Variants in MFAP3L observed in about 807,000 individuals in gnomAD.
The protein encoded by MFAP3L is microfibrillar-associated protein 3-like.
MFAP3L carries 5 observed loss-of-function variants against 20.0 expected under a neutral mutation model. That is an observed-to-expected ratio of 0.25 (90% CI 0.13 to 0.53). The LOEUF (loss-of-function observed/expected upper bound fraction) is 0.53, where lower values mean the gene tolerates loss of function less well. MFAP3L is among the 20% of genes least tolerant of loss of function. The pLI is 0.96. For synonymous variants in MFAP3L, 219 were observed against 213.0 expected (o/e 1.03, Z -0.25); for missense variants, 409 against 527.5 (o/e 0.78, Z 2.20).
intron 1 of MFAP3L, among the ~76,000 whole-genome samples, chr4:170,021,061 C>G (rs139957513): frequency 2.7e-3 from 412 of 152,040 alleles, no homozygotes; most frequent in Middle Eastern, 6.8e-3. Context: ...CAGAGGGCCA[C>G]AAGCAAGACA....
chr4:170,009,825 C>T lies in MFAP3L; in HGVS notation c.-133-3815G>A, dbSNP rs578261270. On this transcript the variant is annotated intron_variant, in intron 1 of 2. Coordinates refer to ENST00000361618, the MANE Select transcript of MFAP3L (RefSeq NM_021647.8). Reference sequence around the variant, plus strand: ...ACCTATAATCAATAAGACTGTTGCCCATGTATTTCTGGAGCTAGAAGGAAA... The same window carrying T: ...ACCTATAATCAATAAGACTGTTGCCTATGTATTTCTGGAGCTAGAAGGAAA... 3.3e-5 allele frequency among the ~76,000 whole-genome samples: 5 copies of T among 152,236 alleles called. No individual in the cohort carries two copies. The South Asian group carries it at 8.3e-4, about 25-fold the overall frequency.
chr4:169,997,880 G>A (rs951550648), intron 2 of MFAP3L: 1 of 877,596 alleles, frequency 1.1e-6, no homozygotes, highest in East Asian at 1.2e-4. Flanking sequence ...TGTCAGGCTG[G>A]TAACACTGTT....
chr4:169,989,469 A>AT lies in MFAP3L; in HGVS notation c.*1908dup, dbSNP rs1737505246. On this transcript the variant is annotated 3_prime_UTR_variant, in exon 3 of 3. Coordinates refer to ENST00000361618, the MANE Select transcript of MFAP3L (RefSeq NM_021647.8). The stretch of plus-strand genomic sequence containing the variant: ...CAAAAGTATCCAATTTCATGGACCC[A>AT]TTTTTTGCTTGTCTCATGCAACGGG... The AT allele has an allele frequency of 6.6e-6, 1 of 152,194 alleles. No individual in the cohort carries two copies. The highest frequency in any genetic ancestry group is 2.4e-5 in the African/African-American group (1 of 41,438). The allele number at this position is 152,194 out of a possible 1,614,324, so 9.4% of individuals were successfully genotyped here. A position where few individuals can be genotyped will look rare whatever the true frequency, so the allele number is the denominator to read the frequency against.
At chr4:169,994,086 C>A (rs1211490954) in intron 2 of MFAP3L, 1 of 772,100 alleles carries the variant, frequency 1.3e-6, no homozygotes, top group Admixed American at 6.3e-5. Context: ...TAGACTACAG[C>A]AGGCATGGAC....
intron 1 of MFAP3L, among the ~76,000 whole-genome samples, chr4:170,007,498 A>G (rs776049756): frequency 1.3e-4 from 20 of 152,206 alleles, no homozygotes; most frequent in Non-Finnish European, 2.8e-4. Context: ...CAAGACAATT[A>G]TAAGGATTCA....
rs1199602360 is a variant in MFAP3L, at chr4:169,990,553, A to T, written c.*825T>A. ...GGTGTGGGTATATTTAACCTTTTAC[A>T]ATCTCCCTCTACATCTCAGCTGAGC... On this transcript the variant is annotated 3_prime_UTR_variant, in exon 3 of 3. Coordinates refer to ENST00000361618, the MANE Select transcript of MFAP3L (RefSeq NM_021647.8). 1 of 152,580 alleles carries T rather than the reference A, an allele frequency of 6.6e-6. No individual in the cohort carries two copies. Among genetic ancestry groups the T allele is most frequent in the Non-Finnish European group, 1.5e-5 (1 of 68,028 alleles). The allele number at this position is 152,580 out of a possible 1,614,324, so 9.5% of individuals were successfully genotyped here.
chr4:170,009,827 T>A (rs181279698), intron 1 of MFAP3L, among the ~76,000 whole-genome samples: 136 of 152,346 alleles, frequency 8.9e-4, no homozygotes, highest in Admixed American at 8.9e-3. Flanking sequence ...CTGTTGCCCA[T>A]GTATTTCTGG....
At chr4:170,021,310 T>A (rs1462994355) in intron 1 of MFAP3L, among the ~76,000 whole-genome samples, 2 of 152,142 alleles carry the variant, frequency 1.3e-5, no homozygotes, top group Admixed American at 1.3e-4. Context: ...GTCCTGGTGG[T>A]TCTCACTCCT....
chr4:170,021,235 T>C (rs960936426), intron 1 of MFAP3L, among the ~76,000 whole-genome samples: 5 of 152,160 alleles, frequency 3.3e-5, no homozygotes, highest in Admixed American at 6.5e-5. Context: ...ATTAATTACA[T>C]GGGAGTTGTT....
At chr4:170,006,881 T>G (rs920984638) in intron 1 of MFAP3L, 1 of 152,258 alleles carries the variant, frequency 6.6e-6, no homozygotes, top group Admixed American at 6.5e-5. Context: ...CTGCTCTGTG[T>G]TACTGTTACT....
In MFAP3L at chr4:170,022,610, G is replaced by A. The variant is rs147962200; in HGVS notation, c.-134+3624C>T. Among the ~76,000 whole-genome samples the A allele has an allele frequency of 6.4e-3, 976 of 152,264 alleles. 6 individuals carry two copies. Among genetic ancestry groups the A allele is most frequent in the South Asian group, 0.026 (125 of 4,818 alleles). ...AATTTATTTTGCAGTTCTGGGGCAC[G>A]GAAGTTCAAACAGGTCTTAACGAGC... On this transcript the variant is annotated intron_variant, in intron 1 of 2. Coordinates refer to ENST00000361618, the MANE Select transcript of MFAP3L (RefSeq NM_021647.8).
intron 2 of MFAP3L, among the ~76,000 whole-genome samples, chr4:169,993,264 C>T (rs1022190697): frequency 6.6e-6 from 1 of 152,190 alleles, no homozygotes; most frequent in East Asian, 1.9e-4. Context: ...TGAAACCCTA[C>T]TACCTCCCTG....
chr4:170,023,333 A>G (rs1032947760), intron 1 of MFAP3L, among the ~76,000 whole-genome samples: 4 of 150,092 alleles, frequency 2.7e-5, no homozygotes, highest in African/African-American at 7.3e-5. Flanking sequence ...AAGTTTGTGG[A>G]AAAAAAAAAT....
upstream of MFAP3L, chr4:170,027,165 G>T (rs1456332270): frequency 1.3e-5 from 2 of 150,528 alleles, no homozygotes; most frequent in Non-Finnish European, 2.9e-5. Context: ...AGTACCTACA[G>T]AAGTTTCGCT....
intron 2 of MFAP3L, among the ~76,000 whole-genome samples, chr4:170,000,648 T>C (rs1210616084): frequency 1.3e-5 from 2 of 152,206 alleles, no homozygotes; most frequent in African/African-American, 4.8e-5. Context: ...CAATTTCCAA[T>C]CATATATTCA....
rs1737743632 is a variant in MFAP3L at position 169,992,014 on chromosome 4, C to A, written c.594G>T (p.Leu198=). The change falls in exon 3 of 3, where the codon CTG becomes CTT. Residue 198 remains leucine (L), a synonymous_variant. Transcript: ENST00000361618. This position sits in a 1 kb window ranked among gnomAD's most constrained non-coding sequence, Gnocchi z 4.3. ...EFFRTEGAEK[L]QKAFEIAKRI... ...GCTTGGCGATCTCAAATGCCTTCTG[C>A]AGCTTCTCTGCACCTTCGGTCCTAA... The A allele has an allele frequency of 6.2e-7, 1 of 1,614,074 alleles. No homozygotes were observed. Among genetic ancestry groups the A allele is most frequent in the Non-Finnish European group, 8.5e-7 (1 of 1,180,050 alleles).
At chr4:170,006,343 C>A (rs1739034740) in intron 1 of MFAP3L, among the ~76,000 whole-genome samples, 1 of 152,104 alleles carries the variant, frequency 6.6e-6, no homozygotes, top group African/African-American at 2.4e-5. Context: ...GAACTCCTGA[C>A]CTCAGGTGAT....
chr4:170,010,301 TA>T (rs1228161445), intron 1 of MFAP3L, among the ~76,000 whole-genome samples: 2 of 152,086 alleles, frequency 1.3e-5, no homozygotes, highest in African/African-American at 4.8e-5. Flanking sequence ...CTTTTGCGAT[TA>T]AAAAAAATGA....
intron 2 of MFAP3L, chr4:169,997,657 G>A (rs1250838913): frequency 1.1e-6 from 1 of 947,588 alleles, no homozygotes. Context: ...AGTCGCTAGT[G>A]ACATTGTTGG....
Sources: allele counts gnomAD v4.1 joint callset (sites outside exome capture counted in the v4.1 genomes callset), GRCh38; gene constraint gnomAD v4.1.1; non-coding constraint Gnocchi (gnomAD v3.1); transcripts MANE v1.5; gene names NCBI Gene and HGNC (gene_info 2026-07-23, HGNC 2026-07-21).